Variants in RHOH observed in about 807,000 individuals in gnomAD.
The protein encoded by RHOH is rho-related GTP-binding protein RhoH.
A neutral mutation model predicts 13.8 loss-of-function variants in RHOH; 6 were observed. The observed-to-expected ratio is 0.44, with a 90% CI of 0.24 to 0.86. RHOH has a LOEUF of 0.86. Among genes scored for constraint, RHOH ranks in the 40% least tolerant of loss-of-function variants. The probability of loss-of-function intolerance (pLI) is 0.24; values close to 1 mark genes in which losing one functional copy is unlikely to be tolerated. For synonymous variants in RHOH, 117 were observed against 103.0 expected (o/e 1.14, Z -0.82); for missense variants, 147 against 244.5 (o/e 0.60, Z 2.66).
chr4:40,243,476 G>A lies in RHOH; in HGVS notation c.90G>A (p.Pro30=), dbSNP rs896325203. 35 of 1,613,782 alleles carry A rather than the reference G, an allele frequency of 2.2e-5. No homozygotes were observed. Among genetic ancestry groups the A allele is most frequent in the Non-Finnish European group, 2.4e-5 (28 of 1,179,962 alleles). ...TGCGCTTCACCTCCGAGACCTTCCC[G>A]GAGGCCTACAAGCCCACAGTGTACG... is the stretch of plus-strand genomic sequence containing the variant. ...LLVRFTSETF[P]EAYKPTVYEN... is the part of the protein sequence containing the mutation. Residue 30 remains proline, a synonymous_variant, in exon 3 of 3, where the codon CCG becomes CCA. Transcript: ENST00000381799. The surrounding 1 kb of genome is among the most constrained non-coding windows in gnomAD (Gnocchi z 6.2).
chr4:40,240,344 T>G (rs1174621772), intron 1 of RHOH: 1 of 152,040 alleles, frequency 6.6e-6, no homozygotes, highest in Non-Finnish European at 1.5e-5. Context: ...CTGATCTTGG[T>G]GGTGAGTGCT....
At chr4:40,220,320 G>GTGT (rs1355780226) in intron 1 of RHOH, among the ~76,000 whole-genome samples, 2 of 148,102 alleles carry the variant, frequency 1.4e-5, no homozygotes, top group African/African-American at 2.5e-5. Context: ...TCTGTCCTTA[G>GTGT]TGTTCTCTTG....
chr4:40,243,168 T>G lies in RHOH; in HGVS notation c.-209-10T>G, dbSNP rs1729460478. 1 of 445,654 alleles carries G rather than the reference T, an allele frequency of 2.2e-6. No individual in the cohort carries two copies. The highest frequency in any genetic ancestry group is 4.0e-6 in the Non-Finnish European group (1 of 249,308). The allele number at this position is 445,654 out of a possible 1,614,324, so 27.6% of individuals were successfully genotyped here. On this transcript the variant is annotated splice_polypyrimidine_tract_variant and intron_variant, in intron 2 of 2. Coordinates refer to ENST00000381799, the MANE Select transcript of RHOH (RefSeq NM_004310.5). This position sits in a 1 kb window ranked among gnomAD's most constrained non-coding sequence, Gnocchi z 6.2. ...AAGACTTCATTTTCCCCCTTCTCTT[T>G]CTGTTCCAGTTGAAGACTAGGCTTT... is the stretch of plus-strand genomic sequence containing the variant.
In RHOH at chr4:40,245,538, CAAAAAAAAAAAAAA is replaced by C. The variant is rs1729712546; in HGVS notation, c.*1577_*1590del. 1 of 96,744 alleles carries C rather than the reference CAAAAAAAAAAAAAA, an allele frequency of 1.0e-5. No individual in the cohort carries two copies. The highest frequency in any genetic ancestry group is 3.3e-4 in the South Asian group (1 of 2,992). The allele number at this position is 96,744 out of a possible 1,614,324, so 6.0% of individuals were successfully genotyped here. On this transcript the variant is annotated 3_prime_UTR_variant, in exon 3 of 3. Transcript: ENST00000381799. ...TGGGCAACAGAGGGAGACTCCATCT[CAAAAAAAAAAAAAA>C]GAAAAGAAAAAAAAGAAAGAAATTG...
chr4:40,243,861 G>A lies in RHOH; in HGVS notation c.475G>A (p.Val159Ile), dbSNP rs1729565486. ...LECSALSNRG[V>I]QQVFECAVRT... Reference sequence around the variant, plus strand: ...GTGCTCAGCCCTTAGCAATCGGGGAGTACAGCAGGTGTTTGAGTGCGCCGT... The same window carrying A: ...GTGCTCAGCCCTTAGCAATCGGGGAATACAGCAGGTGTTTGAGTGCGCCGT... Residue 159 changes from valine (V) to isoleucine (I), a missense_variant, in exon 3 of 3, where the codon GTA (valine) becomes ATA (isoleucine). Around this residue, in one of 3 missense-constraint regions of RHOH, gnomAD observed 31 missense variants for 61.8 expected, o/e 0.50. Coordinates refer to ENST00000381799, the MANE Select transcript of RHOH (RefSeq NM_004310.5). This position sits in a 1 kb window ranked among gnomAD's most constrained non-coding sequence, Gnocchi z 6.2. 2 of 1,614,192 alleles carry A rather than the reference G, an allele frequency of 1.2e-6. No homozygotes were observed. Among genetic ancestry groups the A allele is most frequent in the Admixed American group, 3.3e-5 (2 of 60,020 alleles).
upstream of RHOH, among the ~76,000 whole-genome samples, chr4:40,192,586 T>TA (rs5857716): frequency 0.12 from 17,869 of 152,250 alleles, 1,471 homozygotes; most frequent in East Asian, 0.43. Context: ...TCATATTATT[T>TA]AAAAAACCTC....
chr4:40,240,882 T>C (rs1227754675), intron 1 of RHOH, among the ~76,000 whole-genome samples: 3 of 151,860 alleles, frequency 2.0e-5, no homozygotes, highest in Non-Finnish European at 4.4e-5. Flanking sequence ...TAAGGCCAGG[T>C]GCAGTAGCTC....
intron 1 of RHOH, among the ~76,000 whole-genome samples, chr4:40,213,994 T>C (rs186478285): frequency 2.0e-3 from 311 of 152,268 alleles, no homozygotes; most frequent in Non-Finnish European, 3.6e-3. Context: ...TGTGCTCAAG[T>C]GATCTGCCCG....
chr4:40,224,700 C>G (rs1727016967), intron 1 of RHOH, among the ~76,000 whole-genome samples: 1 of 152,250 alleles, frequency 6.6e-6, no homozygotes. Context: ...CAGCATAGTC[C>G]TGAGTTTAAG....
chr4:40,201,497 T>G (rs1723980215), intron 1 of RHOH, among the ~76,000 whole-genome samples: 1 of 152,268 alleles, frequency 6.6e-6, no homozygotes, highest in Non-Finnish European at 1.5e-5. Flanking sequence ...CATTATTGAC[T>G]TCTCTTTATC....
intron 1 of RHOH, among the ~76,000 whole-genome samples, chr4:40,226,632 T>C (rs1329193962): frequency 6.6e-6 from 1 of 152,112 alleles, no homozygotes; most frequent in Non-Finnish European, 1.5e-5. Flanking sequence ...CCTTACACAC[T>C]GAAACTAAAA....
chr4:40,221,694 A>G (rs1259858071), intron 1 of RHOH, among the ~76,000 whole-genome samples: 4 of 152,138 alleles, frequency 2.6e-5, no homozygotes, highest in Non-Finnish European at 5.9e-5. Flanking sequence ...CTGAGACACA[A>G]TGATATTGAA....
chr4:40,196,692 C>CTTTT (rs397768063), upstream of RHOH, among the ~76,000 whole-genome samples: 8 of 117,652 alleles, frequency 6.8e-5, no homozygotes, highest in East Asian at 2.5e-4. Flanking sequence ...GTGGCATGGA[C>CTTTT]TTTTTTTTTT....
intron 1 of RHOH, among the ~76,000 whole-genome samples, chr4:40,216,012 C>T (rs935170088): frequency 1.3e-5 from 2 of 152,120 alleles, no homozygotes; most frequent in African/African-American, 4.8e-5. Context: ...GTCATCCTTG[C>T]CCCATGAAGC....
chr4:40,201,854 A>G (rs984012135), intron 1 of RHOH, among the ~76,000 whole-genome samples: 4 of 152,186 alleles, frequency 2.6e-5, no homozygotes, highest in Admixed American at 6.5e-5. Flanking sequence ...ATATGCATGA[A>G]CATATTCACT....
chr4:40,236,914 T>C (rs1384022814), intron 1 of RHOH, among the ~76,000 whole-genome samples: 3 of 152,136 alleles, frequency 2.0e-5, no homozygotes, highest in Admixed American at 6.6e-5. Flanking sequence ...CAGTGAGGAA[T>C]AGGTGTGCAG....
At chr4:40,204,378 C>T (rs751719481) in intron 1 of RHOH, among the ~76,000 whole-genome samples, 3 of 152,208 alleles carry the variant, frequency 2.0e-5, no homozygotes, top group Admixed American at 6.5e-5. Flanking sequence ...TGAAATCAGA[C>T]CTCTTTCTAC....
intron 1 of RHOH, among the ~76,000 whole-genome samples, chr4:40,226,540 A>AG (rs1389204259): frequency 1.1e-3 from 147 of 137,976 alleles, no homozygotes; most frequent in African/African-American, 2.8e-3. Context: ...AAAAAAAAAA[A>AG]AAAAAGAAAA....
In RHOH at chr4:40,210,674, G is replaced by A. The variant is rs1277475042; in HGVS notation, c.-331+13374G>A. 2.6e-5 allele frequency among the ~76,000 whole-genome samples: 4 copies of A among 152,170 alleles called. 1 individual carries two copies. The highest frequency in any genetic ancestry group is 9.7e-5 in the African/African-American group (4 of 41,440). On this transcript the variant is annotated intron_variant, in intron 1 of 2. Coordinates refer to ENST00000381799, the MANE Select transcript of RHOH (RefSeq NM_004310.5). ...GGGTGGGTGTGGGGAACATGGTGGA[G>A]AATAGGGTGAGGGTTGTGGTGGGGC...
Sources: allele counts gnomAD v4.1 joint callset (sites outside exome capture counted in the v4.1 genomes callset), GRCh38; gene constraint gnomAD v4.1.1; regional missense constraint gnomAD v4.1.1; non-coding constraint Gnocchi (gnomAD v3.1); transcripts MANE v1.5; gene names NCBI Gene and HGNC (gene_info 2026-07-23, HGNC 2026-07-21).